PAX5: variants seen among roughly 807,000 people sequenced by gnomAD.
The protein encoded by PAX5 is paired box protein Pax-5.
Under a neutral mutation model 43.7 loss-of-function variants are expected in PAX5, and 9 were observed. That is an observed-to-expected ratio of 0.21 (90% CI 0.12 to 0.36). PAX5 has a LOEUF of 0.36. PAX5 is among the 10% of genes least tolerant of loss of function. The pLI, the probability that PAX5 is intolerant of heterozygous loss-of-function variation, is 1.00. For missense variants in PAX5, 383 were observed against 532.7 expected, an observed-to-expected ratio of 0.72 and a Z score of 2.77; for synonymous variants, 228 against 214.3, an observed-to-expected ratio of 1.06 and a Z score of -0.56.
At chr9:36,962,056 G>A (rs564247340) in intron 6 of PAX5, among the ~76,000 whole-genome samples, 161 of 152,334 alleles carry the variant, frequency 1.1e-3, no homozygotes, top group African/African-American at 3.7e-3. Context: ...ACCCACCCAG[G>A]TAGATCTTGG....
intron 8 of PAX5, among the ~76,000 whole-genome samples, chr9:36,857,985 G>A (rs1287604350): frequency 6.6e-6 from 1 of 152,264 alleles, no homozygotes; most frequent in Non-Finnish European, 1.5e-5. Context: ...GTAACTGGGA[G>A]GTGGTGGAAA....
chr9:36,893,455 G>A, intron 7 of PAX5: 1 of 152,770 alleles, frequency 6.5e-6, no homozygotes, highest in Middle Eastern at 2.2e-3. Context: ...GTAGCCAAAA[G>A]TGGGCACAAA....
chr9:37,014,975 C>A (rs1352994243), intron 3 of PAX5, 22 bp downstream of exon 3: 2 of 1,606,566 alleles, frequency 1.2e-6, no homozygotes, highest in Non-Finnish European at 1.7e-6. Context: ...ATCCCCAACC[C>A]CCACAGGCAC....
At chr9:36,876,743 A>G (rs10511935) in intron 8 of PAX5, among the ~76,000 whole-genome samples, 99,212 of 152,078 alleles carry the variant, frequency 0.65, 33,470 homozygotes, top group East Asian at 0.82. Flanking sequence ...TTTCTTCAAC[A>G]TAACTGCTCT....
At chr9:36,977,427 C>T (rs980234340) in intron 5 of PAX5, among the ~76,000 whole-genome samples, 12 of 152,312 alleles carry the variant, frequency 7.9e-5, no homozygotes, top group East Asian at 5.8e-4. Context: ...CCTAGCCCTA[C>T]ACTAACTCAC....
At chr9:36,956,208 A>G (rs975563377) in intron 6 of PAX5, among the ~76,000 whole-genome samples, 7 of 152,232 alleles carry the variant, frequency 4.6e-5, no homozygotes, top group African/African-American at 1.7e-4. Context: ...TGTCACTGAC[A>G]TGGCATATCT....
chr9:36,923,446 C>G lies in PAX5; in HGVS notation c.819G>C (p.Gly273=), dbSNP rs1830348981. The G allele has an allele frequency of 6.2e-7, 1 of 1,612,518 alleles. No individual in the cohort carries two copies. Among genetic ancestry groups the G allele is most frequent in the Non-Finnish European group, 8.5e-7 (1 of 1,179,978 alleles). ...EYSAMASLAG[G]LDDMKANLAS... ...CCAGATTGGCCTTCATGTCGTCCAG[C>G]CCACCAGCCAGCGAGGCCATGGCTG... is the stretch of plus-strand genomic sequence containing the variant. Residue 273 remains glycine, a synonymous_variant, in exon 7 of 10, where the codon GGG becomes GGC. Transcript: ENST00000358127.
intron 6 of PAX5, among the ~76,000 whole-genome samples, chr9:36,952,234 C>CTTTTTTT (rs138009049): frequency 0.015 from 981 of 66,666 alleles, 133 homozygotes; most frequent in African/African-American, 0.033. Flanking sequence ...GACCATCTCC[C>CTTTTTTT]TTTTTTTTTT....
chr9:36,908,879 A>T (rs1439264088), intron 7 of PAX5, among the ~76,000 whole-genome samples: 1 of 152,244 alleles, frequency 6.6e-6, no homozygotes, highest in African/African-American at 2.4e-5. Flanking sequence ...AAACAACTGG[A>T]GTACTTTCCA....
intron 1 of PAX5, among the ~76,000 whole-genome samples, chr9:37,026,224 C>T (rs948818135): frequency 7.9e-5 from 12 of 152,386 alleles, no homozygotes; most frequent in Middle Eastern, 3.4e-3. Flanking sequence ...ACTGGCCTGG[C>T]CCGGAGCCCT....
chr9:36,924,599 A>T (rs903736505), intron 6 of PAX5, among the ~76,000 whole-genome samples: 5 of 151,596 alleles, frequency 3.3e-5, no homozygotes, highest in Non-Finnish European at 5.9e-5. Context: ...TTTCACCTGT[A>T]GTCCCAGCTA....
intron 6 of PAX5, among the ~76,000 whole-genome samples, chr9:36,963,885 G>A (rs1297306499): frequency 6.6e-6 from 1 of 152,162 alleles, no homozygotes; most frequent in Non-Finnish European, 1.5e-5. Context: ...CCTCAGACAT[G>A]CCCTGTCCTC....
At chr9:36,880,335 G>A (rs1209866655) in intron 8 of PAX5, among the ~76,000 whole-genome samples, 2 of 152,262 alleles carry the variant, frequency 1.3e-5, no homozygotes, top group Non-Finnish European at 1.5e-5. Flanking sequence ...CAGGCCCAGG[G>A]ATGCACACAC....
chr9:36,985,629 C>T (rs1004152510), intron 5 of PAX5, among the ~76,000 whole-genome samples: 5 of 152,194 alleles, frequency 3.3e-5, no homozygotes, highest in Admixed American at 6.5e-5. Flanking sequence ...AGGCAGCCTT[C>T]TGTGTAGGGC....
At chr9:37,029,537 C>T (rs936995073) in intron 1 of PAX5, among the ~76,000 whole-genome samples, 16 of 152,222 alleles carry the variant, frequency 1.1e-4, no homozygotes, top group African/African-American at 3.9e-4. Context: ...CACCCCCGGC[C>T]TTGGAGCAGG....
chr9:37,027,316 T>G (rs2132543521), intron 1 of PAX5, among the ~76,000 whole-genome samples: 1 of 152,138 alleles, frequency 6.6e-6, no homozygotes, highest in African/African-American at 2.4e-5. Flanking sequence ...CCTTCAAAGT[T>G]CCCGCGGCCC....
chr9:36,851,997 C>A (rs79861702), intron 8 of PAX5, among the ~76,000 whole-genome samples: 5,108 of 152,316 alleles, frequency 0.034, 120 homozygotes, highest in Admixed American at 0.057. Context: ...CTCTTCCAAG[C>A]TGTGTGGCTT....
intron 7 of PAX5, among the ~76,000 whole-genome samples, chr9:36,918,046 T>G (rs1346639599): frequency 6.6e-6 from 1 of 152,206 alleles, no homozygotes; most frequent in Non-Finnish European, 1.5e-5. Context: ...ATCTCTCTTC[T>G]TCTCCTAGGG....
intron 8 of PAX5, among the ~76,000 whole-genome samples, chr9:36,862,453 C>T (rs1452663619): frequency 6.6e-6 from 1 of 152,148 alleles, no homozygotes; most frequent in Non-Finnish European, 1.5e-5. Context: ...CTGAGAGGTC[C>T]TCATGCTGCT....
Sources: allele counts gnomAD v4.1 joint callset (sites outside exome capture counted in the v4.1 genomes callset), GRCh38; gene constraint gnomAD v4.1.1; transcripts MANE v1.5; gene names NCBI Gene and HGNC (gene_info 2026-07-23, HGNC 2026-07-21).